The following WNK2 variants were observed in gnomAD, a reference collection of about 807,000 sequenced individuals.
WNK2 encodes the protein serine/threonine-protein kinase WNK2.
In WNK2, 67 loss-of-function variants were observed where a neutral mutation model predicts 192.1. That is an observed-to-expected ratio of 0.35 (90% CI 0.29 to 0.43). The LOEUF (loss-of-function observed/expected upper bound fraction) is 0.43, where lower values mean the gene tolerates loss of function less well. WNK2 is among the 20% of genes least tolerant of loss of function. The probability of loss-of-function intolerance (pLI) is 1.00; values close to 1 mark genes in which losing one functional copy is unlikely to be tolerated. For synonymous variants in WNK2, 1,439 were observed against 1,393.9 expected, an observed-to-expected ratio of 1.03 and a Z score of -0.72; for missense variants, 2,698 against 3,089.7, an observed-to-expected ratio of 0.87 and a Z score of 3.01.
rs564800227 is a variant in WNK2 at position 93,266,342 on chromosome 9, G to T, written c.3697-1404G>T. On this transcript the variant is annotated intron_variant, in intron 16 of 29. Transcript: ENST00000427277. ...GCCCCTTAGTAAAGGTGGAACTGCA[G>T]AAGTTTCATTTAATTGGCGTGGATT... Among the ~76,000 whole-genome samples the T allele has an allele frequency of 2.0e-5, 3 of 152,364 alleles. No homozygotes were observed. In the South Asian group the frequency reaches 6.2e-4, roughly 32 times the overall value.
chr9:93,243,410 G>A (rs1215163369), intron 7 of WNK2, among the ~76,000 whole-genome samples: 3 of 152,150 alleles, frequency 2.0e-5, no homozygotes, highest in Non-Finnish European at 4.4e-5. Context: ...TGAACTCTGC[G>A]GCTGTGTTCC....
At chr9:93,304,440 C>A (rs1033168888) in intron 26 of WNK2, among the ~76,000 whole-genome samples, 14 of 152,258 alleles carry the variant, frequency 9.2e-5, no homozygotes, top group African/African-American at 1.4e-4. Context: ...GCTGCCAAGC[C>A]CCCGCCCCAG....
intron 9 of WNK2, 33 bp from the exon 10 acceptor site, chr9:93,256,266 T>G: frequency 1.4e-6 from 2 of 1,472,022 alleles, no homozygotes; most frequent in Non-Finnish European, 1.8e-6. Flanking sequence ...GGCCGAGAGC[T>G]GCTGCTGAGT....
rs752067335 is a variant in WNK2, at chr9:93,257,118, G to T, written c.2361G>T (p.Pro787=). 17 of 1,608,280 alleles carry T rather than the reference G, an allele frequency of 1.1e-5. No homozygotes were observed. The highest frequency in any genetic ancestry group is 1.4e-5 in the Non-Finnish European group (16 of 1,178,934). ...PLQMPQAPLQ[P]LAQVPPQMPP... ...AGATGCCACAGGCGCCCCTGCAGCC[G>T]CTTGCTCAAGTCCCTCCGCAGGTAA... Residue 787 remains proline (P), a synonymous_variant, in exon 11 of 30, where the codon CCG becomes CCT. Transcript: ENST00000427277. This position sits in a 1 kb window ranked among gnomAD's most constrained non-coding sequence, Gnocchi z 4.7.
rs111269911 is a variant in WNK2 at position 93,308,289 on chromosome 9, T to C, written c.6260-39T>C. On this transcript the variant is annotated intron_variant, in intron 27 of 29. Coordinates refer to ENST00000427277, the MANE Select transcript of WNK2 (RefSeq NM_006648.4). Reference sequence around the variant, plus strand: ...AGCCCACTGGGGGCCTGGGTGCGTGTGTGGCGTCACCAATCCTGGCCTGTG... The same window carrying C: ...AGCCCACTGGGGGCCTGGGTGCGTGCGTGGCGTCACCAATCCTGGCCTGTG... 2.6e-6 allele frequency: 4 copies of C among 1,536,454 alleles called. No homozygotes were observed. In the Admixed American group the frequency reaches 8.0e-5, roughly 31 times the overall value.
intron 5 of WNK2, among the ~76,000 whole-genome samples, chr9:93,235,574 C>T (rs1256208482): frequency 6.6e-6 from 1 of 152,216 alleles, no homozygotes; most frequent in East Asian, 1.9e-4. Context: ...GTGGTGGCCC[C>T]ACTGGGTGGA....
In WNK2 at chr9:93,268,788, T is replaced by C. The variant is rs776208584; in HGVS notation, c.4033+42T>C. On this transcript the variant is annotated intron_variant, in intron 19 of 29. Coordinates refer to ENST00000427277, the MANE Select transcript of WNK2 (RefSeq NM_006648.4). ...CCCACACAAGCCCCTCCCTGTTTCA[T>C]GTACAGGCCTCCTTCTGTGCATGAC... The C allele has an allele frequency of 1.5e-5, 24 of 1,594,416 alleles. No homozygotes were observed. The Admixed American group carries it at 2.4e-4, about 16-fold the overall frequency.
At chr9:93,241,888 A>G (rs990685778) in intron 7 of WNK2, among the ~76,000 whole-genome samples, 4 of 152,030 alleles carry the variant, frequency 2.6e-5, no homozygotes, top group African/African-American at 9.7e-5. Flanking sequence ...TGAGGAAGGA[A>G]GCAGGTGGAA....
chr9:93,185,417 C>T lies in WNK2; in HGVS notation c.488C>T (p.Pro163Leu). 1 of 1,609,272 alleles carries T rather than the reference C, an allele frequency of 6.2e-7. No individual in the cohort carries two copies. The highest frequency in any genetic ancestry group is 8.5e-7 in the Non-Finnish European group (1 of 1,178,656). The change falls in exon 2 of 30, where the codon CCT becomes CTT. Residue 163 changes from proline (P) to leucine (L), a missense_variant. Transcript: ENST00000427277. ...GATGAGGGGGCGGCCGAGGCGAAGC[C>T]TGAGCCCGGGCGCACTCGCCGGGAC... Reference protein sequence around the residue: ...KEDEGAAEAKPEPGRTRRDEP... With the variant: ...KEDEGAAEAKLEPGRTRRDEP...
chr9:93,214,071 T>A (rs1345128906), intron 2 of WNK2, among the ~76,000 whole-genome samples: 1 of 152,154 alleles, frequency 6.6e-6, no homozygotes, highest in Non-Finnish European at 1.5e-5. Context: ...ACTGATGCAT[T>A]TATCCTTTCC....
In WNK2 at chr9:93,258,862, T is replaced by C. The variant is rs1843724675; in HGVS notation, c.2383-69T>C. On this transcript the variant is annotated intron_variant, in intron 11 of 29. Transcript: ENST00000427277. ...CGTCCCCAATGACTGTGGCTGTCCTTGCATGCAAGTGCTGTGGGCAGGGAC... is the reference window on the plus strand; with the variant it reads ...CGTCCCCAATGACTGTGGCTGTCCTCGCATGCAAGTGCTGTGGGCAGGGAC... 7 of 1,413,160 alleles carry C rather than the reference T, an allele frequency of 5.0e-6. No homozygotes were observed. In the South Asian group the frequency reaches 6.4e-5, roughly 13 times the overall value. 87.5% of individuals were successfully genotyped at this position (1,413,160 alleles called of 1,614,324 possible).
At position 93,231,037 on chromosome 9, in the gene WNK2, C is replaced by G. The variant is rs1253822475; in HGVS notation, c.1004C>G (p.Thr335Ser). The change falls in exon 4 of 30, where the codon ACT (threonine) becomes AGT (serine). Residue 335 changes from threonine to serine, a missense_variant. Physicochemically the swap from Thr to Ser is moderately conservative, Grantham distance 58. Coordinates refer to ENST00000427277, the MANE Select transcript of WNK2 (RefSeq NM_006648.4). Reference sequence around the variant, plus strand: ...GACAATATTTTCATCACCGGACCAACTGGGTCTGTGAAGATTGGCGACTTG... The same window carrying G: ...GACAATATTTTCATCACCGGACCAAGTGGGTCTGTGAAGATTGGCGACTTG... ...KCDNIFITGP[T>S]GSVKIGDLGL... 1 of 1,613,946 alleles carries G rather than the reference C, an allele frequency of 6.2e-7. No homozygotes were observed. The highest frequency in any genetic ancestry group is 1.7e-5 in the Admixed American group (1 of 60,020).
intron 19 of WNK2, 106 bp from the exon 20 acceptor site, chr9:93,288,682 G>T (rs578123492): frequency 6.0e-6 from 7 of 1,170,166 alleles, no homozygotes; most frequent in Admixed American, 2.8e-5. Context: ...AGACCAGCAC[G>T]CTGGGGCCAT....
chr9:93,238,859 CTG>C (rs1840261612), intron 6 of WNK2, among the ~76,000 whole-genome samples: 2 of 152,204 alleles, frequency 1.3e-5, no homozygotes, highest in South Asian at 4.1e-4. Context: ...CTGTCCTTCC[CTG>C]TTGGTCAGGT....
intron 2 of WNK2, among the ~76,000 whole-genome samples, chr9:93,214,893 T>C (rs140915897): frequency 2.0e-5 from 3 of 151,642 alleles, no homozygotes; most frequent in Non-Finnish European, 2.9e-5. Flanking sequence ...ATTATTATTA[T>C]TATTTTAGAG....
intron 23 of WNK2, among the ~76,000 whole-genome samples, chr9:93,296,940 C>T (rs1269154789): frequency 1.7e-5 from 2 of 116,472 alleles, no homozygotes; most frequent in Non-Finnish European, 3.6e-5. Context: ...CGACCTTCCT[C>T]CCCTCTGTTT....
chr9:93,256,801 C>T, intron 10 of WNK2, 147 bp from the exon 11 acceptor site: 1 of 778,794 alleles, frequency 1.3e-6, no homozygotes, highest in Non-Finnish European at 2.0e-6. Flanking sequence ...TGTGACTGTG[C>T]AAGTGTGTGT....
In WNK2 at chr9:93,258,936, C is replaced by T. The variant is rs747995221; in HGVS notation, c.2388C>T (p.Pro796=). The part of the protein sequence containing the change: ...QPLAQVPPQM[P]PIPVVPPITP... ...CACTCCTGTGTCTCTTTCAGATGCC[C>T]CCGATTCCTGTTGTGCCCCCCATCA... is the stretch of plus-strand genomic sequence containing the variant. The change falls in exon 12 of 30, where the codon CCC becomes CCT. Residue 796 remains proline (P), a synonymous_variant. Transcript: ENST00000427277. The T allele has an allele frequency of 5.0e-6, 8 of 1,610,940 alleles. No individual in the cohort carries two copies. Among genetic ancestry groups the T allele is most frequent in the Admixed American group, 3.3e-5 (2 of 59,910 alleles).
rs1489731200 is a variant in WNK2, at chr9:93,295,724, T to TCACCTTCCTCCCCC, written c.5709-2128_5709-2115dup. 2.7e-3 allele frequency among the ~76,000 whole-genome samples: 402 copies of TCACCTTCCTCCCCC among 146,232 alleles called. 3 individuals are homozygous for TCACCTTCCTCCCCC. Among genetic ancestry groups the TCACCTTCCTCCCCC allele is most frequent in the African/African-American group, 9.9e-3 (385 of 38,832 alleles). On this transcript the variant is annotated intron_variant, in intron 23 of 29. Transcript: ENST00000427277. Reference sequence around the variant, plus strand: ...CCATCCTCCCGTCACCATCCTCCCCTCACCTTCCTCCCCCACCTTCCTCCC... The same window carrying TCACCTTCCTCCCCC: ...CCATCCTCCCGTCACCATCCTCCCCTCACCTTCCTCCCCCCACCTTCCTCCCCCACCTTCCTCCC...
Sources: allele counts gnomAD v4.1 joint callset (sites outside exome capture counted in the v4.1 genomes callset), GRCh38; gene constraint gnomAD v4.1.1; non-coding constraint Gnocchi (gnomAD v3.1); transcripts MANE v1.5; gene names NCBI Gene and HGNC (gene_info 2026-07-23, HGNC 2026-07-21).